TOPAZ1: variants seen among roughly 807,000 people sequenced by gnomAD.
TOPAZ1 encodes the protein protein TOPAZ1.
In TOPAZ1, 66 loss-of-function variants were observed where a neutral mutation model predicts 172.2. The ratio of observed to expected loss-of-function variants is 0.38; its 90% confidence interval spans 0.31 to 0.47. The LOEUF (loss-of-function observed/expected upper bound fraction) is 0.47. TOPAZ1 is among the 20% of genes least tolerant of loss of function. The pLI, the probability that TOPAZ1 is intolerant of heterozygous loss-of-function variation, is 0.99. For missense variants in TOPAZ1, 1,822 were observed against 1,972.4 expected (o/e 0.92, Z 1.44); for synonymous variants, 681 against 683.9 (o/e 1.00, Z 0.07).
intron 2 of TOPAZ1, among the ~76,000 whole-genome samples, chr3:44,248,199 A>G (rs1467670225): frequency 6.6e-6 from 1 of 152,162 alleles, no homozygotes; most frequent in African/African-American, 2.4e-5. Context: ...TAATACTCCC[A>G]CTGCTCCACT....
chr3:44,300,407 G>A (rs1216271775), intron 12 of TOPAZ1, among the ~76,000 whole-genome samples: 6 of 146,586 alleles, frequency 4.1e-5, no homozygotes, highest in East Asian at 2.2e-4. Flanking sequence ...CAGCTTGGGC[G>A]ACAGAGTGAG....
chr3:44,303,953 A>G (rs1575729047), intron 12 of TOPAZ1, 62 bp from the exon 13 acceptor site: 1 of 929,782 alleles, frequency 1.1e-6, no homozygotes, highest in Non-Finnish European at 1.6e-6. Context: ...CAGATTAATT[A>G]GAAGCAGCAG....
At chr3:44,321,334 C>T in intron 17 of TOPAZ1, 143 bp downstream of exon 17, 2 of 607,572 alleles carry the variant, frequency 3.3e-6, no homozygotes, top group Non-Finnish European at 5.3e-6. Context: ...AAAATATGTT[C>T]TCTGCAAATT....
At chr3:44,262,327 T>C (rs952242216) in intron 4 of TOPAZ1, 92 bp from the exon 5 acceptor site, 6 of 526,206 alleles carry the variant, frequency 1.1e-5, no homozygotes, top group Non-Finnish European at 1.9e-5. Context: ...AATTAACATC[T>C]AATACATTAT....
chr3:44,257,358 T>G (rs1223235012), intron 4 of TOPAZ1, among the ~76,000 whole-genome samples: 18 of 16,998 alleles, frequency 1.1e-3, no homozygotes, highest in African/African-American at 3.0e-3. Flanking sequence ...TAGGGGTGTG[T>G]GTGTGTGTGT....
At chr3:44,270,646 T>C in intron 7 of TOPAZ1, 39 bp from the exon 8 acceptor site, 2 of 1,496,184 alleles carry the variant, frequency 1.3e-6, no homozygotes, top group Non-Finnish European at 1.8e-6. Flanking sequence ...GTAAGTGCTT[T>C]ACAGTTAATA....
At chr3:44,290,627 C>T (rs1028413567) in intron 11 of TOPAZ1, 144 bp from the exon 12 acceptor site, 2 of 568,960 alleles carry the variant, frequency 3.5e-6, no homozygotes, top group Non-Finnish European at 3.1e-6. Context: ...TGGTTCTGTG[C>T]CTCAATTTTT....
chr3:44,325,117 T>A (rs1410814673), intron 18 of TOPAZ1, among the ~76,000 whole-genome samples: 3 of 152,176 alleles, frequency 2.0e-5, no homozygotes, highest in Non-Finnish European at 2.9e-5. Flanking sequence ...TCAAAACATC[T>A]CATTTTCTAA....
chr3:44,333,072 C>T (rs1038918847), downstream of TOPAZ1, among the ~76,000 whole-genome samples: 7 of 151,534 alleles, frequency 4.6e-5, no homozygotes, highest in Non-Finnish European at 8.8e-5. Flanking sequence ...TGTCTGCCCA[C>T]CTTGGCCTCC....
At chr3:44,299,936 A>T (rs1248817837) in intron 12 of TOPAZ1, among the ~76,000 whole-genome samples, 1 of 87,718 alleles carries the variant, frequency 1.1e-5, no homozygotes, top group Non-Finnish European at 2.0e-5. Context: ...GGAACATCAC[A>T]CTCTGGGGAC....
At chr3:44,289,021 A>T (rs1295316814) in intron 11 of TOPAZ1, among the ~76,000 whole-genome samples, 1 of 152,190 alleles carries the variant, frequency 6.6e-6, no homozygotes, top group African/African-American at 2.4e-5. Flanking sequence ...ATTTAACAAA[A>T]ATATCACTGA....
intron 3 of TOPAZ1, 57 bp from the exon 4 acceptor site, chr3:44,256,094 A>G: frequency 7.5e-7 from 1 of 1,339,660 alleles, no homozygotes; most frequent in Non-Finnish European, 1.0e-6. Flanking sequence ...ACAGCCTTTG[A>G]ATAACTCAGT....
chr3:44,335,862 T>G (rs990272031), downstream of TOPAZ1, among the ~76,000 whole-genome samples: 2 of 152,178 alleles, frequency 1.3e-5, no homozygotes, highest in African/African-American at 4.8e-5. Flanking sequence ...GTTTTGCTAT[T>G]AACTCAAAGG....
intron 4 of TOPAZ1, among the ~76,000 whole-genome samples, chr3:44,259,956 G>A (rs1400513531): frequency 6.6e-6 from 1 of 152,192 alleles, no homozygotes; most frequent in Non-Finnish European, 1.5e-5. Flanking sequence ...CATGTCAAGG[G>A]AGAGACCAGG....
At chr3:44,258,283 T>A (rs1360455571) in intron 4 of TOPAZ1, among the ~76,000 whole-genome samples, 2 of 152,216 alleles carry the variant, frequency 1.3e-5, no homozygotes, top group Admixed American at 6.6e-5. Context: ...TGCATAGATA[T>A]CTATCTACCC....
At chr3:44,310,057 T>C (rs1235516133) in intron 16 of TOPAZ1, 67 bp downstream of exon 16, 1 of 1,372,456 alleles carries the variant, frequency 7.3e-7, no homozygotes, top group Non-Finnish European at 9.9e-7. Flanking sequence ...GTCTATGTAA[T>C]TACCTTAAGT....
At chr3:44,257,361 G>GTGTGTGTGTGTA (rs1699720588) in intron 4 of TOPAZ1, among the ~76,000 whole-genome samples, 3 of 19,738 alleles carry the variant, frequency 1.5e-4, no homozygotes, top group Admixed American at 7.4e-4. Context: ...GGGTGTGTGT[G>GTGTGTGTGTGTA]TGTGTGTGTG....
intron 18 of TOPAZ1, among the ~76,000 whole-genome samples, chr3:44,327,718 G>GT (rs200305433): frequency 3.3e-4 from 49 of 147,098 alleles, no homozygotes; most frequent in Admixed American, 5.5e-4. Context: ...TTTTCAGAGT[G>GT]TTTTTTTTTT....
chr3:44,297,867 A>G (rs1299934495), intron 12 of TOPAZ1, among the ~76,000 whole-genome samples: 3 of 152,230 alleles, frequency 2.0e-5, no homozygotes, highest in African/African-American at 4.8e-5. Context: ...CCAGCATTTA[A>G]AACAATATAA....
Sources: gnomAD v4.1 joint callset for allele counts (sites outside exome capture counted in the v4.1 genomes callset) on GRCh38, gnomAD v4.1.1 for gene constraint, MANE v1.5 for transcripts, NCBI Gene and HGNC (gene_info 2026-07-23, HGNC 2026-07-21) for gene names.